The following HOXB3 variants were observed in gnomAD, a reference collection of about 807,000 sequenced individuals.
HOXB3 encodes homeobox B3, also known as homeobox protein Hox-B3.
In HOXB3, 17 loss-of-function variants were observed where a neutral mutation model predicts 29.2. The ratio of observed to expected loss-of-function variants is 0.58; its 90% CI spans 0.40 to 0.87. The LOEUF (loss-of-function observed/expected upper bound fraction) is 0.87. Among genes scored for constraint, HOXB3 ranks in the 40% least tolerant of loss-of-function variants. The pLI is 0.00. For synonymous variants in HOXB3, 317 were observed against 285.9 expected (o/e 1.11, Z -1.10); for missense variants, 637 against 616.3 (o/e 1.03, Z -0.35).
intron 1 of HOXB3, chr17:48,576,773 G>C (rs1244021974): frequency 6.2e-6 from 10 of 1,613,894 alleles, no homozygotes; most frequent in Non-Finnish European, 7.6e-6. Context: ...CTCCGGCTGA[G>C]CCTGCCGCAC....
At position 48,551,937 on chromosome 17, in the gene HOXB3, T is replaced by C; in HGVS notation, c.448+90A>G. ...CACCTAATATTGTTCCCAGGCAGCC[T>C]CGCGGGCGCCTAGGGGCTGGGTGCT... On this transcript the variant is annotated intron_variant, in intron 4 of 4. Coordinates refer to ENST00000498678, the MANE Select transcript of HOXB3 (RefSeq NM_001384749.1). The C allele has an allele frequency of 3.2e-6, 4 of 1,262,420 alleles. No individual in the cohort carries two copies. The South Asian group carries it at 5.8e-5, about 18-fold the overall frequency. The allele number at this position is 1,262,420 out of a possible 1,614,324, so 78.2% of individuals were successfully genotyped here.
intron 1 of HOXB3, chr17:48,580,039 T>A: frequency 2.3e-6 from 1 of 426,916 alleles, no homozygotes; most frequent in Non-Finnish European, 4.7e-6. Flanking sequence ...TTCGTTTTGT[T>A]CTAGTTTTGA....
Position 48,551,159 on chromosome 17 carries a change from G to T in HOXB3, c.471C>A (p.Gly157=). 7.8e-7 allele frequency: 1 copy of T among 1,282,594 alleles called. No homozygotes were observed. 79.5% of individuals were successfully genotyped at this position (1,282,594 alleles called of 1,614,324 possible). ...CACTGCCTCCGCCGCCGCCGCCACC[G>T]CCGCCGCCACCACAGCCCTCTGCTG... is the stretch of plus-strand genomic sequence containing the variant. The part of the protein sequence containing the change: ...PGTAEGCGGG[G]GGGGGGGSGG... Residue 157 remains glycine, a synonymous_variant, in exon 5 of 5, where the codon GGC becomes GGA. Transcript: ENST00000498678.
intron 1 of HOXB3, among the ~76,000 whole-genome samples, chr17:48,583,062 T>G (rs1436458571): frequency 6.6e-6 from 1 of 152,158 alleles, no homozygotes; most frequent in Non-Finnish European, 1.5e-5. Flanking sequence ...TCTGCTTTAT[T>G]TGCTCCCCCA....
chr17:48,553,131 C>T (rs1015046039), intron 3 of HOXB3: 2 of 152,310 alleles, frequency 1.3e-5, no homozygotes, highest in African/African-American at 4.8e-5. Flanking sequence ...AAAGAACAGG[C>T]AGGAGAAGCA....
At position 48,571,303 on chromosome 17, in the gene HOXB3, C is replaced by T. The variant is rs137914175; in HGVS notation, c.-247+2534G>A. On this transcript the variant is annotated intron_variant, in intron 2 of 4. Transcript: ENST00000498678. ...CCAACTCCGTTTTCCAACCAGACCCCCTCCCCAGCTGCCGCTTCCCAGGGA... is the reference window on the plus strand; with the variant it reads ...CCAACTCCGTTTTCCAACCAGACCCTCTCCCCAGCTGCCGCTTCCCAGGGA... 7.5e-4 allele frequency among the ~76,000 whole-genome samples: 115 copies of T among 152,352 alleles called. 3 individuals carry two copies. The East Asian group carries it at 0.014, about 19-fold the overall frequency.
chr17:48,551,024 C>T lies in HOXB3; in HGVS notation c.606G>A (p.Glu202=), dbSNP rs1190128211. 2 of 1,611,658 alleles carry T rather than the reference C, an allele frequency of 1.2e-6. No individual in the cohort carries two copies. Among genetic ancestry groups the T allele is most frequent in the East Asian group, 2.2e-5 (1 of 44,814 alleles). The stretch of plus-strand genomic sequence containing the variant: ...GGTTAAAATGGAACTCCTTCTCCAG[C>T]TCCACCAGCTGCGCGCTCGTGTACG... ...RTAYTSAQLV[E]LEKEFHFNRY... Residue 202 remains glutamate (E), a synonymous_variant, in exon 5 of 5, where the codon GAG becomes GAA. Transcript: ENST00000498678.
intron 2 of HOXB3, among the ~76,000 whole-genome samples, chr17:48,564,659 T>C (rs2069328469): frequency 6.6e-6 from 1 of 151,936 alleles, no homozygotes; most frequent in Non-Finnish European, 1.5e-5. Flanking sequence ...CGGCGAGGCG[T>C]AGGGAGCGCC....
rs2068667097 is a variant in HOXB3 at position 48,550,319 on chromosome 17, GTTCGCCCT to G, written c.*7_*14del. 6.2e-7 allele frequency: 1 copy of G among 1,613,438 alleles called. No homozygotes were observed. The highest frequency in any genetic ancestry group is 1.7e-5 in the Admixed American group (1 of 59,992). ...TCTTCCTCCCCATCCCCTAATCCTC[GTTCGCCCT>G]TTCCCATCACAGGTGTGTTAATTTG... On this transcript the variant is annotated 3_prime_UTR_variant, in exon 5 of 5. Coordinates refer to ENST00000498678, the MANE Select transcript of HOXB3 (RefSeq NM_001384749.1).
In HOXB3 at chr17:48,552,315, G is replaced by A. The variant is rs1004617601; in HGVS notation, c.160C>T (p.Leu54=). Residue 54 remains leucine (L), a synonymous_variant, in exon 4 of 5, where the codon CTG becomes TTG. Coordinates refer to ENST00000498678, the MANE Select transcript of HOXB3 (RefSeq NM_001384749.1). ...EGDYQRSACS[L]QSLGNAAPHA... ...GGGGCAGCGTTGCCCAGGGACTGCA[G>A]CGAGCAAGCTGAGCGCTGGTAGTCG... is the stretch of plus-strand genomic sequence containing the variant. The A allele has an allele frequency of 6.2e-7, 1 of 1,614,130 alleles. No homozygotes were observed. Among genetic ancestry groups the A allele is most frequent in the Non-Finnish European group, 8.5e-7 (1 of 1,180,010 alleles).
chr17:48,586,191 A>G (rs1406759070), intron 1 of HOXB3, among the ~76,000 whole-genome samples: 4 of 152,232 alleles, frequency 2.6e-5, no homozygotes, highest in South Asian at 2.1e-4. Flanking sequence ...GGGGGAGAAG[A>G]GACAAGAGAG....
At chr17:48,587,337 G>T (rs913705819) in intron 1 of HOXB3, among the ~76,000 whole-genome samples, 5 of 152,028 alleles carry the variant, frequency 3.3e-5, no homozygotes, top group Non-Finnish European at 7.4e-5. Context: ...CTCAAAATCC[G>T]ATTACTCTGA....
At chr17:48,552,747 A>C in intron 3 of HOXB3, 115 bp from the exon 4 acceptor site, 3 of 393,010 alleles carry the variant, frequency 7.6e-6, no homozygotes, top group East Asian at 3.9e-5. Context: ...CCTCCCCAAC[A>C]TCTCCAAAGC....
chr17:48,554,585 C>T lies in HOXB3; in HGVS notation c.-159+946G>A. 2 of 699,080 alleles carry T rather than the reference C, an allele frequency of 2.9e-6. No homozygotes were observed. The highest frequency in any genetic ancestry group is 1.5e-5 in the South Asian group (1 of 67,448). 43.3% of individuals were successfully genotyped at this position (699,080 alleles called of 1,614,324 possible). ...GGCTGCTGCTGCCAGGCTGCCTCAG[C>T]CGGTCGCTGCTGCCGCGGCGACTGG... On this transcript the variant is annotated intron_variant, in intron 3 of 4. Coordinates refer to ENST00000498678, the MANE Select transcript of HOXB3 (RefSeq NM_001384749.1). The surrounding 1 kb of genome is among the most constrained non-coding windows in gnomAD (Gnocchi z 4.1).
At chr17:48,570,958 G>C (rs2069565446) in intron 2 of HOXB3, among the ~76,000 whole-genome samples, 1 of 152,238 alleles carries the variant, frequency 6.6e-6, no homozygotes, top group Non-Finnish European at 1.5e-5. Flanking sequence ...AGAGAGCAGA[G>C]AGAGGAGAGA....
At chr17:48,579,063 C>T (rs545087406) in intron 1 of HOXB3, 5 of 152,336 alleles carry the variant, frequency 3.3e-5, no homozygotes, top group Admixed American at 3.3e-4. Flanking sequence ...TTCGGGGAGA[C>T]TTCGCCTTCC....
chr17:48,555,759 C>T, intron 2 of HOXB3, 141 bp from the exon 3 acceptor site: 1 of 629,248 alleles, frequency 1.6e-6, no homozygotes. Context: ...CGCTTCAATT[C>T]ACTCGGCTTA....
At chr17:48,558,284 A>C (rs1268055103) in intron 2 of HOXB3, among the ~76,000 whole-genome samples, 3 of 152,096 alleles carry the variant, frequency 2.0e-5, no homozygotes, top group Non-Finnish European at 4.4e-5. Flanking sequence ...TTCCAGAGAC[A>C]ACAGCAGACC....
intron 1 of HOXB3, chr17:48,577,972 G>A (rs1455416449): frequency 1.2e-5 from 16 of 1,311,382 alleles, no homozygotes; most frequent in South Asian, 3.0e-5. Flanking sequence ...GCGGCGGGGG[G>A]CTGCTGCTGA....
Sources: allele counts gnomAD v4.1 joint callset (sites outside exome capture counted in the v4.1 genomes callset), GRCh38; gene constraint gnomAD v4.1.1; non-coding constraint Gnocchi (gnomAD v3.1); transcripts MANE v1.5; gene names NCBI Gene and HGNC (gene_info 2026-07-23, HGNC 2026-07-21).